Variants in FAM120B observed in about 807,000 individuals in gnomAD.
The protein encoded by FAM120B is family with sequence similarity 120 member B.
Under a neutral mutation model 96.3 loss-of-function variants are expected in FAM120B, and 83 were observed. The observed-to-expected ratio is 0.86, with a 90% CI of 0.72 to 1.03. FAM120B has a LOEUF of 1.03. Ranked by LOEUF, FAM120B falls within the 50% of genes least tolerant of loss-of-function variation. FAM120B has a pLI of 0.00. For missense variants in FAM120B, 1,027 were observed against 1,121.2 expected, an observed-to-expected ratio of 0.92 and a Z score of 1.20; for synonymous variants, 407 against 402.7, an observed-to-expected ratio of 1.01 and a Z score of -0.13.
In FAM120B at chr6:170,334,573, T is replaced by TGC. The variant is rs1554281488; in HGVS notation, c.2017+4024_2017+4025dup. Among the ~76,000 whole-genome samples the TGC allele has an allele frequency of 2.3e-4, 35 of 149,326 alleles. No individual in the cohort carries two copies. In the Middle Eastern group the frequency reaches 0.014, roughly 59 times the overall value. On this transcript the variant is annotated intron_variant, in intron 4 of 10. Transcript: ENST00000476287. ...GTGTGTGTGTGTGTGTGTGTGTGTG[T>TGC]GCACATGCCCTTAAGGAAGCTGGGT...
At chr6:170,293,100 G>A (rs1229122931), upstream of FAM120B, among the ~76,000 whole-genome samples, 1 of 152,060 alleles carries the variant, frequency 6.6e-6, no homozygotes, top group Non-Finnish European at 1.5e-5. Context: ...TTTTTCTCTA[G>A]GTTGATGTTT....
chr6:170,339,514 C>G (rs571788332), intron 4 of FAM120B, among the ~76,000 whole-genome samples: 1 of 151,650 alleles, frequency 6.6e-6, no homozygotes, highest in Non-Finnish European at 1.5e-5. Flanking sequence ...CGGGGCCAGG[C>G]GGGGTGGCTC....
chr6:170,322,087 C>T (rs1785329114), intron 2 of FAM120B, among the ~76,000 whole-genome samples: 1 of 151,980 alleles, frequency 6.6e-6, no homozygotes, highest in South Asian at 2.1e-4. Flanking sequence ...GATAGCCCTT[C>T]TGATTTTAAC....
At chr6:170,372,359 C>G (rs1301497569) in intron 6 of FAM120B, among the ~76,000 whole-genome samples, 8 of 124,504 alleles carry the variant, frequency 6.4e-5, no homozygotes, top group African/African-American at 2.2e-4. Context: ...TCAGAGACAT[C>G]TAATGAAAGC....
intron 4 of FAM120B, among the ~76,000 whole-genome samples, chr6:170,340,036 A>G (rs1448546361): frequency 1.3e-5 from 2 of 152,170 alleles, no homozygotes; most frequent in African/African-American, 2.4e-5. Flanking sequence ...ATGTTGGTCT[A>G]TCTTGTTAGG....
intron 1 of FAM120B, among the ~76,000 whole-genome samples, chr6:170,301,637 G>C (rs1784144217): frequency 6.6e-6 from 1 of 152,176 alleles, no homozygotes; most frequent in African/African-American, 2.4e-5. Context: ...TTGCTGTCTA[G>C]AAATTTCTTC....
At chr6:170,378,680 C>T (rs1000835192) in intron 6 of FAM120B, among the ~76,000 whole-genome samples, 5 of 152,106 alleles carry the variant, frequency 3.3e-5, no homozygotes, top group Non-Finnish European at 7.3e-5. Flanking sequence ...AACCAGGAAG[C>T]GGTGGCGTAG....
Position 170,388,447 on chromosome 6 carries a change from T to C in FAM120B, c.2444T>C (p.Leu815Ser). ...FDGKLFHQKY[L>S]QSEKGYAVEV... ...GGGAAGCTTTTTCATCAGAAGTACT[T>C]GCAATCTGAAAAGGGTTATGCTGTG... The change falls in exon 7 of 11, where the codon TTG (leucine) becomes TCG (serine). Residue 815 changes from leucine to serine, a missense_variant. Coordinates refer to ENST00000476287, the MANE Select transcript of FAM120B (RefSeq NM_032448.3). 6.2e-7 allele frequency: 1 copy of C among 1,614,174 alleles called. No individual in the cohort carries two copies. Among genetic ancestry groups the C allele is most frequent in the Non-Finnish European group, 8.5e-7 (1 of 1,180,030 alleles).
At position 170,366,898 on chromosome 6, in the gene FAM120B, A is replaced by AT. The variant is rs796461355; in HGVS notation, c.2283+8590dup. On this transcript the variant is annotated intron_variant, in intron 6 of 10. Coordinates refer to ENST00000476287, the MANE Select transcript of FAM120B (RefSeq NM_032448.3). ...CGGATAAGCTCATGTTATTTTTTAGATTTTTTTTTTCTCTTTCTTGTTGCC... is the reference window on the plus strand; with the variant it reads ...CGGATAAGCTCATGTTATTTTTTAGATTTTTTTTTTTCTCTTTCTTGTTGCC... Among the ~76,000 whole-genome samples the AT allele has an allele frequency of 2.0e-3, 306 of 150,388 alleles. 1 individual carries two copies. Among genetic ancestry groups the AT allele is most frequent in the African/African-American group, 6.7e-3 (276 of 40,926 alleles).
At chr6:170,323,452 A>G (rs1011487074) in intron 3 of FAM120B, among the ~76,000 whole-genome samples, 193 bp downstream of exon 3, 1 of 152,252 alleles carries the variant, frequency 6.6e-6, no homozygotes, top group African/African-American at 2.4e-5. Context: ...TTGGACGTCT[A>G]TATCTAATGA....
chr6:170,306,888 C>T (rs2114987991), intron 1 of FAM120B, 46 bp downstream of exon 1: 1 of 152,460 alleles, frequency 6.6e-6, no homozygotes, highest in East Asian at 1.9e-4. Context: ...GGGCCGCTCC[C>T]GGCCTGCGTG....
Position 170,317,442 on chromosome 6 carries a change from T to C in FAM120B, c.52T>C (p.Cys18Arg). Residue 18 changes from cysteine (C) to arginine (R), a missense_variant, in exon 2 of 11, where the codon TGT (cysteine) becomes CGT (arginine). Around this residue, in one of 3 missense-constraint regions of FAM120B, gnomAD observed 880 missense variants for 980.9 expected, o/e 0.90. Transcript: ENST00000476287. ...TGTGGGAAGTACCTGCCCACATATATGTACAGTAGTAAATTTCAAAGAACT... is the reference window on the plus strand; with the variant it reads ...TGTGGGAAGTACCTGCCCACATATACGTACAGTAGTAAATTTCAAAGAACT... ...GFVGSTCPHI[C>R]TVVNFKELAE... 2 of 1,614,176 alleles carry C rather than the reference T, an allele frequency of 1.2e-6. No homozygotes were observed. The highest frequency in any genetic ancestry group is 1.7e-6 in the Non-Finnish European group (2 of 1,180,012).
Position 170,319,268 on chromosome 6 carries a change from C to T in FAM120B, c.1734+144C>T, listed in dbSNP as rs185665641. 56 of 737,188 alleles carry T rather than the reference C, an allele frequency of 7.6e-5. 1 individual carries two copies. Among genetic ancestry groups the T allele is most frequent in the African/African-American group, 6.9e-4 (39 of 56,478 alleles). The allele number at this position is 737,188 out of a possible 1,614,324, so 45.7% of individuals were successfully genotyped here. A position where few individuals can be genotyped will look rare whatever the true frequency, so the allele number is the denominator to read the frequency against. Reference sequence around the variant, plus strand: ...CTCTAAGTCTCGTTAGGAAGTGTGACGTTATATGTGTGGAAACTCACAACC... The same window carrying T: ...CTCTAAGTCTCGTTAGGAAGTGTGATGTTATATGTGTGGAAACTCACAACC... On this transcript the variant is annotated intron_variant, in intron 2 of 10. Coordinates refer to ENST00000476287, the MANE Select transcript of FAM120B (RefSeq NM_032448.3).
At chr6:170,350,732 C>G (rs950406287) in intron 5 of FAM120B, among the ~76,000 whole-genome samples, 1 of 147,058 alleles carries the variant, frequency 6.8e-6, no homozygotes, top group South Asian at 2.2e-4. Flanking sequence ...AAACAGAAAA[C>G]AACAACATCA....
At position 170,395,491 on chromosome 6, in the gene FAM120B, G is replaced by T; in HGVS notation, c.2604G>T (p.Arg868Ser). ...RAHWGSHHAGRWGRQGSSYHR... is the reference protein window; with the variant it reads ...RAHWGSHHAGSWGRQGSSYHR... Reference sequence around the variant, plus strand: ...TCTGACTATGTGTTCCCACAGGGAGGTGGGGAAGACAGGGCTCCAGCTACC... The same window carrying T: ...TCTGACTATGTGTTCCCACAGGGAGTTGGGGAAGACAGGGCTCCAGCTACC... Residue 868 changes from arginine to serine, a missense_variant, in exon 9 of 11, where the codon AGG (arginine) becomes AGT (serine). Transcript: ENST00000476287. 1 of 1,591,484 alleles carries T rather than the reference G, an allele frequency of 6.3e-7. No individual in the cohort carries two copies. The highest frequency in any genetic ancestry group is 8.6e-7 in the Non-Finnish European group (1 of 1,168,740).
At chr6:170,338,385 G>A (rs1436037532) in intron 4 of FAM120B, among the ~76,000 whole-genome samples, 3 of 152,176 alleles carry the variant, frequency 2.0e-5, no homozygotes, top group Non-Finnish European at 4.4e-5. Flanking sequence ...ATTGCACTGT[G>A]GTCTGAGAGA....
chr6:170,315,071 C>G (rs2115011220), intron 1 of FAM120B, among the ~76,000 whole-genome samples: 1 of 152,364 alleles, frequency 6.6e-6, no homozygotes, highest in East Asian at 1.9e-4. Flanking sequence ...TCTGCTTCGA[C>G]TGTATTCAAA....
chr6:170,343,603 GTT>G (rs1231201418), intron 4 of FAM120B, among the ~76,000 whole-genome samples: 3 of 151,978 alleles, frequency 2.0e-5, no homozygotes, highest in African/African-American at 7.3e-5. Context: ...TTGTTGGTGA[GTT>G]ACTTGTTTTC....
intron 1 of FAM120B, among the ~76,000 whole-genome samples, chr6:170,296,962 G>A (rs1784027564): frequency 6.6e-6 from 1 of 152,246 alleles, no homozygotes; most frequent in Non-Finnish European, 1.5e-5. Flanking sequence ...CCCACCACAG[G>A]GAGGTCGCGG....
Sources: gnomAD v4.1 joint callset for allele counts (sites outside exome capture counted in the v4.1 genomes callset) on GRCh38, gnomAD v4.1.1 for gene constraint, gnomAD v4.1.1 regional missense constraint, MANE v1.5 for transcripts, NCBI Gene and HGNC (gene_info 2026-07-23, HGNC 2026-07-21) for gene names.